MAN2B1: variants seen among roughly 807,000 people sequenced by gnomAD.
MAN2B1 encodes the protein mannosidase alpha class 2B member 1.
Under a neutral mutation model 127.5 loss-of-function variants are expected in MAN2B1, and 99 were observed. That is an observed-to-expected ratio of 0.78 (90% confidence interval 0.66 to 0.92). MAN2B1 has a LOEUF of 0.92. MAN2B1 is among the 40% of genes least tolerant of loss of function. The pLI is 0.00. For synonymous variants in MAN2B1, 573 were observed against 568.8 expected, an observed-to-expected ratio of 1.01 and a Z score of -0.11; for missense variants, 1,304 against 1,384.8, an observed-to-expected ratio of 0.94 and a Z score of 0.93.
At chr19:12,655,947 A>C in intron 13 of MAN2B1, 68 bp from the exon 14 acceptor site, 2 of 1,355,116 alleles carry the variant, frequency 1.5e-6, no homozygotes, top group South Asian at 2.3e-5. Context: ...ATGGAGACAA[A>C]AAACTCAAGG....
At chr19:12,661,193 C>T (rs1046916000) in intron 7 of MAN2B1, 67 bp downstream of exon 7, 33 of 1,103,260 alleles carry the variant, frequency 3.0e-5, no homozygotes, top group Non-Finnish European at 4.1e-5. Context: ...GAGCTATGCA[C>T]ATAACCCAAG....
In MAN2B1 at chr19:12,647,467, G is replaced by A. The variant is rs1403072896; in HGVS notation, c.2796C>T (p.Ser932=). 4 of 1,614,194 alleles carry A rather than the reference G, an allele frequency of 2.5e-6. No individual in the cohort carries two copies. In the South Asian group the frequency reaches 3.3e-5, roughly 13 times the overall value. The change falls in exon 22 of 24, where the codon AGC becomes AGT. Residue 932 remains serine (S), a synonymous_variant. Coordinates refer to ENST00000456935, the MANE Select transcript of MAN2B1 (RefSeq NM_000528.4). The surrounding 1 kb of genome is among the most constrained non-coding windows in gnomAD (Gnocchi z 4.9). ...AVGEDSGRNL[S]APVTLNLRDL... ...CCCTCAAGTTCAAGGTAACGGGGGC[G>A]CTCAGGTTACGTCCGGAATCCTCTC...
Position 12,666,736 on chromosome 19 carries a change from T to G in MAN2B1, c.-35A>C, listed in dbSNP as rs2024259319. On this transcript the variant is annotated 5_prime_UTR_variant, in exon 1 of 24. Coordinates refer to ENST00000456935, the MANE Select transcript of MAN2B1 (RefSeq NM_000528.4). ...GCTTCCTCCTGGGGTTCCCCGGCCC[T>G]GGAAAGGCCGGGCAAACGCCCCGCC... 6.5e-7 allele frequency: 1 copy of G among 1,541,470 alleles called. No individual in the cohort carries two copies. Among genetic ancestry groups the G allele is most frequent in the Non-Finnish European group, 8.7e-7 (1 of 1,144,386 alleles).
At position 12,652,432 on chromosome 19, in the gene MAN2B1, G is replaced by A. The variant is rs1568300639; in HGVS notation, c.1859C>T (p.Thr620Ile). Residue 620 changes from threonine to isoleucine, a missense_variant, in exon 15 of 24, where the codon ACA becomes ATA. By Grantham distance (89) the Thr-to-Ile change is moderately conservative. Transcript: ENST00000456935. ...EHIRATFDPD[T>I]GLLMEIMNMN... Reference sequence around the variant, plus strand: ...GTTCATAATCTCCATCAACAGCCCTGTGTCAGGATCAAACGTTGCCCGGAT... The same window carrying A: ...GTTCATAATCTCCATCAACAGCCCTATGTCAGGATCAAACGTTGCCCGGAT... 1 of 1,614,136 alleles carries A rather than the reference G, an allele frequency of 6.2e-7. No individual in the cohort carries two copies. The highest frequency in any genetic ancestry group is 1.7e-5 in the Admixed American group (1 of 59,998).
intron 6 of MAN2B1, among the ~76,000 whole-genome samples, chr19:12,662,351 C>T (rs2024127173): frequency 6.6e-6 from 1 of 151,938 alleles, no homozygotes; most frequent in Non-Finnish European, 1.5e-5. Flanking sequence ...ATGTTAAAGG[C>T]TGGACGCGGT....
chr19:12,655,978 G>A, intron 13 of MAN2B1, 99 bp from the exon 14 acceptor site: 1 of 930,562 alleles, frequency 1.1e-6, no homozygotes, highest in Non-Finnish European at 1.7e-6. Context: ...GTCCTGAGAT[G>A]GGGAAAGGAA....
chr19:12,663,031 C>G (rs189760591), intron 6 of MAN2B1, among the ~76,000 whole-genome samples: 1 of 151,584 alleles, frequency 6.6e-6, no homozygotes, highest in Non-Finnish European at 1.5e-5. Flanking sequence ...TTTGGGAGGC[C>G]GAGGCAAGCA....
In MAN2B1 at chr19:12,663,419, C is replaced by A. The variant is rs1329771201; in HGVS notation, c.807G>T (p.Trp269Cys). The A allele has an allele frequency of 1.2e-6, 2 of 1,614,082 alleles. No homozygotes were observed. The stretch of plus-strand genomic sequence containing the variant: ...GCGGCTGATCGACACACAGCACATC[C>A]CAGCACAGATTCCTTGGCGGGTTGT... ...NGYNPPRNLCWDVLCVDQPLV... is the reference protein window; with the variant it reads ...NGYNPPRNLCCDVLCVDQPLV... Residue 269 changes from tryptophan (W) to cysteine (C), a missense_variant, in exon 6 of 24, where the codon TGG becomes TGT. Coordinates refer to ENST00000456935, the MANE Select transcript of MAN2B1 (RefSeq NM_000528.4).
chr19:12,658,874 T>TG, intron 7 of MAN2B1: 1 of 343,762 alleles, frequency 2.9e-6, no homozygotes, highest in African/African-American at 2.1e-5. Flanking sequence ...TTTTTTTTTT[T>TG]GGGACGGAGT....
Position 12,646,515 on chromosome 19 carries a change from G to C in MAN2B1, c.*105C>G, listed in dbSNP as rs547349667. On this transcript the variant is annotated 3_prime_UTR_variant, in exon 24 of 24. Transcript: ENST00000456935. ...CACACTCAGTCACAGAGCGACCTGA[G>C]TCTTAGTAGTAGCGTTTTAATGGCA... The C allele has an allele frequency of 1.0e-3, 870 of 871,058 alleles. 4 individuals carry two copies. The highest frequency in any genetic ancestry group is 1.0e-3 in the South Asian group (74 of 73,092). The allele number at this position is 871,058 out of a possible 1,614,324, so 54.0% of individuals were successfully genotyped here.
intron 18 of MAN2B1, among the ~76,000 whole-genome samples, chr19:12,649,680 C>T (rs1469175936): frequency 6.6e-6 from 1 of 151,628 alleles, no homozygotes; most frequent in Non-Finnish European, 1.5e-5. Flanking sequence ...GACGGGGTTT[C>T]ACCATGTTAG....
Position 12,658,194 on chromosome 19 carries a change from C to T in MAN2B1, c.1230+30G>A, listed in dbSNP as rs901527933. 18 of 1,613,678 alleles carry T rather than the reference C, an allele frequency of 1.1e-5. No individual in the cohort carries two copies. The African/African-American group carries it at 1.9e-4, about 17-fold the overall frequency. ...CCCAGCCTGTCGGGCCTCGGGGCTGCATGCCCCCTCTAGCCCGGCTCCTAC... is the reference window on the plus strand; with the variant it reads ...CCCAGCCTGTCGGGCCTCGGGGCTGTATGCCCCCTCTAGCCCGGCTCCTAC... On this transcript the variant is annotated intron_variant, in intron 9 of 23. Transcript: ENST00000456935.
chr19:12,664,724 G>T, intron 4 of MAN2B1, 68 bp downstream of exon 4: 1 of 1,503,190 alleles, frequency 6.7e-7, no homozygotes, highest in Non-Finnish European at 9.1e-7. Context: ...AGAGGGCGGG[G>T]TTTGACTGGG....
rs781291011 is a variant in MAN2B1, at chr19:12,658,251, G to A, written c.1203C>T (p.Tyr401=). Reference sequence around the variant, plus strand: ...GCAGGAAGTTGTAGCTGAGGCGCTCGTAGCGTTTGAGGGCCGGCCGACTGG... The same window carrying A: ...GCAGGAAGTTGTAGCTGAGGCGCTCATAGCGTTTGAGGGCCGGCCGACTGG... ...YFSSRPALKR[Y]ERLSYNFLQV... Residue 401 remains tyrosine, a synonymous_variant, in exon 9 of 24, where the codon TAC becomes TAT. Coordinates refer to ENST00000456935, the MANE Select transcript of MAN2B1 (RefSeq NM_000528.4). The A allele has an allele frequency of 4.3e-6, 7 of 1,614,022 alleles. No individual in the cohort carries two copies. Among genetic ancestry groups the A allele is most frequent in the East Asian group, 2.2e-5 (1 of 44,898 alleles).
Position 12,649,448 on chromosome 19 carries a change from G to T in MAN2B1, c.2268-20C>A. On this transcript the variant is annotated intron_variant, in intron 18 of 23. Coordinates refer to ENST00000456935, the MANE Select transcript of MAN2B1 (RefSeq NM_000528.4). ...TCCCGCCTGGGGTTGGGGGTGAGCT[G>T]ATCAGGCTTGGGATCTGGCTCCCCA... is the stretch of plus-strand genomic sequence containing the variant. 6.7e-6 allele frequency: 9 copies of T among 1,337,888 alleles called. No homozygotes were observed. The highest frequency in any genetic ancestry group is 9.6e-6 in the Non-Finnish European group (9 of 941,732). 82.9% of individuals were successfully genotyped at this position (1,337,888 alleles called of 1,614,324 possible). A position where few individuals can be genotyped will look rare whatever the true frequency, so the allele number is the denominator to read the frequency against.
Position 12,655,821 on chromosome 19 carries a change from G to A in MAN2B1, c.1703C>T (p.Ala568Val). 1 of 1,613,728 alleles carries A rather than the reference G, an allele frequency of 6.2e-7. No homozygotes were observed. Among genetic ancestry groups the A allele is most frequent in the African/African-American group, 1.3e-5 (1 of 75,036 alleles). ...QAHPPELLFS[A>V]SLPALGFSTY... ...GCTGAAGCCCAGGGCGGGCAGTGAGGCTGAGAACAGCAGCTCCGGAGGGTG... is the reference window on the plus strand; with the variant it reads ...GCTGAAGCCCAGGGCGGGCAGTGAGACTGAGAACAGCAGCTCCGGAGGGTG... The change falls in exon 14 of 24, where the codon GCC (alanine) becomes GTC (valine). Residue 568 changes from alanine (A) to valine (V), a missense_variant. Transcript: ENST00000456935.
chr19:12,658,241 T>C lies in MAN2B1; in HGVS notation c.1213A>G (p.Ser405Gly), dbSNP rs1302481119. Reference protein sequence around the residue: ...RPALKRYERLSYNFLQVCNQL... With the variant: ...RPALKRYERLGYNFLQVCNQL... ...CTACCCACCTGCAGGAAGTTGTAGCTGAGGCGCTCGTAGCGTTTGAGGGCC... is the reference window on the plus strand; with the variant it reads ...CTACCCACCTGCAGGAAGTTGTAGCCGAGGCGCTCGTAGCGTTTGAGGGCC... Residue 405 changes from serine to glycine, a missense_variant, in exon 9 of 24, where the codon AGC (serine) becomes GGC (glycine). Transcript: ENST00000456935. The C allele has an allele frequency of 6.2e-7, 1 of 1,613,950 alleles. No homozygotes were observed. The highest frequency in any genetic ancestry group is 2.2e-5 in the East Asian group (1 of 44,886).
intron 7 of MAN2B1, 127 bp from the exon 8 acceptor site, chr19:12,658,637 C>T (rs1486059766): frequency 8.1e-6 from 7 of 865,276 alleles, no homozygotes. Context: ...ATTTGGCGTG[C>T]AAGCCAATGG....
rs749826725 is a variant in MAN2B1 at position 12,658,436 on chromosome 19, G to A, written c.1101C>T (p.Asn367=). Residue 367 remains asparagine (N), a synonymous_variant, in exon 8 of 24, where the codon AAC becomes AAT. Coordinates refer to ENST00000456935, the MANE Select transcript of MAN2B1 (RefSeq NM_000528.4). ...CCAGTTTCCCCAAATACCAGGTGAG[G>A]TTGGCCTTGTTCAGCTCCCAGAGGT... ...ACYLWELNKA[N]LTWSVKHDDF... 1 of 1,614,222 alleles carries A rather than the reference G, an allele frequency of 6.2e-7. No homozygotes were observed. Among genetic ancestry groups the A allele is most frequent in the Non-Finnish European group, 8.5e-7 (1 of 1,180,030 alleles).
Sources: gnomAD v4.1 joint callset for allele counts (sites outside exome capture counted in the v4.1 genomes callset) on GRCh38, gnomAD v4.1.1 for gene constraint, Gnocchi (gnomAD v3.1) non-coding constraint, MANE v1.5 for transcripts, NCBI Gene and HGNC (gene_info 2026-07-23, HGNC 2026-07-21) for gene names.